Variants in SLC23A2 observed in about 807,000 individuals in gnomAD.
SLC23A2 encodes the protein solute carrier family 23 member 2.
Under a neutral mutation model 73.3 loss-of-function variants are expected in SLC23A2, and 36 were observed. That is an observed-to-expected ratio of 0.49 (90% CI 0.38 to 0.65). SLC23A2 has a LOEUF of 0.65. Among genes scored for constraint, SLC23A2 ranks in the 30% least tolerant of loss-of-function variants. The pLI is 0.00. For missense variants in SLC23A2, 507 were observed against 841.6 expected (o/e 0.60, Z 4.92); for synonymous variants, 343 against 327.3 (o/e 1.05, Z -0.52).
chr20:4,939,692 T>C (rs1001513023), intron 2 of SLC23A2, among the ~76,000 whole-genome samples: 1 of 152,216 alleles, frequency 6.6e-6, no homozygotes, highest in African/African-American at 2.4e-5. Flanking sequence ...TGAGATCACC[T>C]GGCCCCTAAA....
At chr20:4,991,548 C>A (rs903228404) in intron 1 of SLC23A2, among the ~76,000 whole-genome samples, 1 of 151,980 alleles carries the variant, frequency 6.6e-6, no homozygotes. Flanking sequence ...ACGGTGAAAC[C>A]CCATCTCTAC....
At chr20:4,891,185 T>C (rs1931318469) in intron 6 of SLC23A2, among the ~76,000 whole-genome samples, 2 of 151,674 alleles carry the variant, frequency 1.3e-5, no homozygotes, top group African/African-American at 4.8e-5. Flanking sequence ...CAGAAGGCCA[T>C]GAGGAGGAGG....
chr20:4,964,762 C>T (rs1411050460), intron 2 of SLC23A2, among the ~76,000 whole-genome samples: 1 of 146,922 alleles, frequency 6.8e-6, no homozygotes, highest in Non-Finnish European at 1.5e-5. Flanking sequence ...CCCCTGCACC[C>T]GGGAGGTAGA....
chr20:4,896,774 T>C (rs1931539429), intron 6 of SLC23A2, among the ~76,000 whole-genome samples: 3 of 152,178 alleles, frequency 2.0e-5, no homozygotes, highest in Non-Finnish European at 4.4e-5. Flanking sequence ...CCAAGTAACG[T>C]CCTTCAAGGC....
intron 2 of SLC23A2, among the ~76,000 whole-genome samples, chr20:4,953,888 A>AAAAT (rs1163099655): frequency 6.6e-6 from 1 of 152,188 alleles, no homozygotes; most frequent in African/African-American, 2.4e-5. Flanking sequence ...GACTGTCTCA[A>AAAAT]AAATAGATAA....
chr20:4,887,322 G>A (rs1931142839), intron 6 of SLC23A2, among the ~76,000 whole-genome samples: 1 of 152,244 alleles, frequency 6.6e-6, no homozygotes, highest in African/African-American at 2.4e-5. Flanking sequence ...GGACTGTACT[G>A]AAAGGACAGC....
chr20:4,957,582 C>CAAA (rs750802378), intron 2 of SLC23A2, among the ~76,000 whole-genome samples: 10 of 100,278 alleles, frequency 1.0e-4, no homozygotes, highest in African/African-American at 3.4e-4. Context: ...ACTATAACCT[C>CAAA]AAAAAAAAAA....
chr20:4,926,287 A>C (rs936043259), intron 3 of SLC23A2, among the ~76,000 whole-genome samples: 2 of 152,252 alleles, frequency 1.3e-5, no homozygotes, highest in Non-Finnish European at 2.9e-5. Context: ...AAGGAAGCTT[A>C]AACGCTTTCC....
chr20:4,870,120 C>A, intron 11 of SLC23A2, 67 bp from the exon 12 acceptor site: 2 of 1,343,980 alleles, frequency 1.5e-6, no homozygotes, highest in Non-Finnish European at 2.1e-6. Context: ...ACCAGTTACC[C>A]AAAGTCATTC....
chr20:4,974,346 A>G, intron 1 of SLC23A2, among the ~76,000 whole-genome samples: 1 of 152,112 alleles, frequency 6.6e-6, no homozygotes, highest in Non-Finnish European at 1.5e-5. Flanking sequence ...GCATGCCTGT[A>G]ATTCCAGCTA....
At chr20:4,968,959 G>A (rs1366596637) in intron 2 of SLC23A2, among the ~76,000 whole-genome samples, 2 of 151,912 alleles carry the variant, frequency 1.3e-5, no homozygotes, top group Non-Finnish European at 2.9e-5. Flanking sequence ...CTGACCTCAT[G>A]ATCCACCCAC....
At chr20:4,869,412 A>G (rs576241467) in intron 12 of SLC23A2, among the ~76,000 whole-genome samples, 1 of 151,942 alleles carries the variant, frequency 6.6e-6, no homozygotes, top group African/African-American at 2.4e-5. Context: ...GTGTAAAAAA[A>G]AAAAAAAAAA....
chr20:4,931,070 A>G (rs1932784908), intron 3 of SLC23A2, among the ~76,000 whole-genome samples: 1 of 95,812 alleles, frequency 1.0e-5, no homozygotes, highest in South Asian at 3.3e-4. Context: ...TTTTTTAAGA[A>G]AAAAAAAAAA....
chr20:4,904,464 A>C (rs2748896), intron 4 of SLC23A2, among the ~76,000 whole-genome samples: 102,807 of 149,754 alleles, frequency 0.69, 35,995 homozygotes, highest in Non-Finnish European at 0.76. Context: ...AAAAAAACAA[A>C]CAAAAAAAAA....
intron 2 of SLC23A2, among the ~76,000 whole-genome samples, chr20:4,954,698 CAA>C (rs200579910): frequency 9.1e-5 from 5 of 55,098 alleles, no homozygotes; most frequent in Non-Finnish European, 1.3e-4. Context: ...GACTCCATCA[CAA>C]AAAAAAAAAA....
At chr20:4,948,410 T>C (rs1260092737) in intron 2 of SLC23A2, among the ~76,000 whole-genome samples, 2 of 152,138 alleles carry the variant, frequency 1.3e-5, no homozygotes, top group Non-Finnish European at 2.9e-5. Context: ...TGCAGTACTG[T>C]TTCTCCCCAC....
At chr20:4,954,037 A>AT (rs1195794505) in intron 2 of SLC23A2, among the ~76,000 whole-genome samples, 1 of 152,222 alleles carries the variant, frequency 6.6e-6, no homozygotes, top group Admixed American at 6.5e-5. Context: ...AAAGGATGTC[A>AT]TTTTACATTG....
intron 2 of SLC23A2, among the ~76,000 whole-genome samples, chr20:4,965,196 A>G (rs1038948745): frequency 2.0e-5 from 3 of 152,122 alleles, no homozygotes; most frequent in African/African-American, 7.2e-5. Flanking sequence ...TTTCCTGGTA[A>G]CCAGGAGCCT....
rs1931655420 is a variant in SLC23A2, at chr20:4,899,207, G to T, written c.482+348C>A. ...TCCAAGAGCAGTGCCCTGGAGGCAG[G>T]GAAGCCAACGGGGAGCCTGGTGGGA... On this transcript the variant is annotated intron_variant, in intron 6 of 16. Coordinates refer to ENST00000338244, the MANE Select transcript of SLC23A2 (RefSeq NM_005116.6). This position sits in a 1 kb window ranked among gnomAD's most constrained non-coding sequence, Gnocchi z 4.9. Among the ~76,000 whole-genome samples the T allele has an allele frequency of 6.6e-6, 1 of 152,194 alleles. No homozygotes were observed. Among genetic ancestry groups the T allele is most frequent in the African/African-American group, 2.4e-5 (1 of 41,446 alleles).
Sources: allele counts gnomAD v4.1 joint callset (sites outside exome capture counted in the v4.1 genomes callset), GRCh38; gene constraint gnomAD v4.1.1; non-coding constraint Gnocchi (gnomAD v3.1); transcripts MANE v1.5; gene names NCBI Gene and HGNC (gene_info 2026-07-23, HGNC 2026-07-21).